NAA25: variants seen among roughly 807,000 people sequenced by gnomAD.
NAA25 encodes N-terminal acetyltransferase B complex subunit NAA25.
In NAA25, 30 loss-of-function variants were observed where a neutral mutation model predicts 132.5. The observed-to-expected ratio is 0.23, with a 90% CI of 0.17 to 0.31. The LOEUF (loss-of-function observed/expected upper bound fraction) is 0.31, where lower values mean the gene tolerates loss of function less well. NAA25 is among the 10% of genes least tolerant of loss of function. The pLI is 1.00. For missense variants in NAA25, 771 were observed against 1,150.4 expected, an observed-to-expected ratio of 0.67 and a Z score of 4.77; for synonymous variants, 359 against 401.9, an observed-to-expected ratio of 0.89 and a Z score of 1.28.
Position 112,029,561 on chromosome 12 carries a change from T to C in NAA25, c.2889A>G (p.Arg963=). ...LLEMGELLKK[R]LETTKKLKI is the part of the protein sequence containing the mutation. Reference sequence around the variant, plus strand: ...TTTTTAGTTTCTTTGTGGTCTCAAGTCTTTTTTTCAGCAGCTCCCCCATTT... The same window carrying C: ...TTTTTAGTTTCTTTGTGGTCTCAAGCCTTTTTTTCAGCAGCTCCCCCATTT... Residue 963 remains arginine (R), a synonymous_variant, in exon 24 of 24, where the codon AGA becomes AGG. Coordinates refer to ENST00000261745, the MANE Select transcript of NAA25 (RefSeq NM_024953.4). 1 of 1,614,078 alleles carries C rather than the reference T, an allele frequency of 6.2e-7. No individual in the cohort carries two copies. The highest frequency in any genetic ancestry group is 8.5e-7 in the Non-Finnish European group (1 of 1,179,980).
chr12:112,103,845 G>A (rs999120124), intron 1 of NAA25, among the ~76,000 whole-genome samples: 2 of 152,150 alleles, frequency 1.3e-5, no homozygotes, highest in Admixed American at 6.6e-5. Context: ...CTCATAAGGA[G>A]CGCCAACCTC....
rs2079273915 is a variant in NAA25 at position 112,100,294 on chromosome 12, TG to T, written c.59-7159del. On this transcript the variant is annotated intron_variant, in intron 1 of 23. Transcript: ENST00000261745. ...CTCCTGCCTCAGCCTCCTGAGCAGC[TG>T]GGACTACAGGCTCGTACCACCAGGC... Among the ~76,000 whole-genome samples, 3 of 152,258 alleles carry T rather than the reference TG, an allele frequency of 2.0e-5. No homozygotes were observed. The South Asian group carries it at 6.2e-4, about 32-fold the overall frequency.
In NAA25 at chr12:112,042,067, A is replaced by G; in HGVS notation, c.2412T>C (p.Ser804=). 1 of 1,485,764 alleles carries G rather than the reference A, an allele frequency of 6.7e-7. No individual in the cohort carries two copies. Among genetic ancestry groups the G allele is most frequent in the Non-Finnish European group, 8.9e-7 (1 of 1,120,576 alleles). 92.0% of individuals were successfully genotyped at this position (1,485,764 alleles called of 1,614,324 possible). The change falls in exon 20 of 24, where the codon AGT becomes AGC. Residue 804 remains serine (S), a synonymous_variant. Transcript: ENST00000261745. ...TMEIQERIEN[S]FKSLLDQLKD... ...TTAACTGGTCTAGTAAAGACTTAAAACTATTTTCTATTCGTTCCTGAATCT... is the reference window on the plus strand; with the variant it reads ...TTAACTGGTCTAGTAAAGACTTAAAGCTATTTTCTATTCGTTCCTGAATCT...
At chr12:112,067,994 T>C (rs1200568817) in intron 11 of NAA25, among the ~76,000 whole-genome samples, 2 of 152,172 alleles carry the variant, frequency 1.3e-5, no homozygotes, top group African/African-American at 2.4e-5. Flanking sequence ...CACCTCAGCC[T>C]CCCAAAGTGC....
rs769876315 is a variant in NAA25, at chr12:112,039,312, T to C, written c.2566A>G (p.Ser856Gly). 1.2e-6 allele frequency: 2 copies of C among 1,610,466 alleles called. No homozygotes were observed. The highest frequency in any genetic ancestry group is 3.4e-5 in the Admixed American group (2 of 59,588). ...ETISVILWVS[S>G]YCESVLRPYK... is the part of the protein sequence containing the mutation. ...GGTCGTAGGACACTCTCACAGTAACTGGATACCCAAAGGATAACAGAAATA... is the reference window on the plus strand; with the variant it reads ...GGTCGTAGGACACTCTCACAGTAACCGGATACCCAAAGGATAACAGAAATA... The change falls in exon 22 of 24, where the codon AGT (serine) becomes GGT (glycine). Residue 856 changes from serine (S) to glycine (G), a missense_variant. Coordinates refer to ENST00000261745, the MANE Select transcript of NAA25 (RefSeq NM_024953.4).
At position 112,090,115 on chromosome 12, in the gene NAA25, G is replaced by A. The variant is rs544269104; in HGVS notation, c.283+611C>T. On this transcript the variant is annotated intron_variant, in intron 3 of 23. Transcript: ENST00000261745. ...CAAAGTGCTGGGATTACAAGTTTTA[G>A]CCACTACGCCTGGCAACGCTCCATT... Among the ~76,000 whole-genome samples, 9 of 152,058 alleles carry A rather than the reference G, an allele frequency of 5.9e-5. No individual in the cohort carries two copies. In the South Asian group the frequency reaches 1.5e-3, roughly 25 times the overall value.
In NAA25 at chr12:112,039,235, G is replaced by A; in HGVS notation, c.2643C>T (p.Ile881=). 6.4e-7 allele frequency: 1 copy of A among 1,570,624 alleles called. No homozygotes were observed. The highest frequency in any genetic ancestry group is 1.4e-5 in the African/African-American group (1 of 73,162). ...KKKKKKKETS[I]IMPPVFTSFQ... ...CTTGTGTTACTGTTATTACCATGAT[G>A]ATGCTGGTTTCTTTTTTCTTCTTTT... is the stretch of plus-strand genomic sequence containing the variant. Residue 881 remains isoleucine (I), a synonymous_variant, in exon 22 of 24, where the codon ATC becomes ATT. Coordinates refer to ENST00000261745, the MANE Select transcript of NAA25 (RefSeq NM_024953.4).
rs531442884 is a variant in NAA25, at chr12:112,053,678, GA to G, written c.1629-22del. ...GATAACTAGATCAGAAGGAAAGAAG[GA>G]AAAAAAAAGACATGTTATACTTACT... On this transcript the variant is annotated intron_variant, in intron 14 of 23. Transcript: ENST00000261745. 540 of 1,318,920 alleles carry G rather than the reference GA, an allele frequency of 4.1e-4. 1 individual carries two copies. Among genetic ancestry groups the G allele is most frequent in the Non-Finnish European group, 5.3e-4 (499 of 946,748 alleles). The allele number at this position is 1,318,920 out of a possible 1,614,324, so 81.7% of individuals were successfully genotyped here.
rs548197347 is a variant in NAA25 at position 112,075,945 on chromosome 12, C to T, written c.665-156G>A. ...TCACCCAGGCTGGAGTGCAATGGCA[C>T]GATCTTGGCTCACTGCAACCTCCAC... On this transcript the variant is annotated intron_variant, in intron 7 of 23. Coordinates refer to ENST00000261745, the MANE Select transcript of NAA25 (RefSeq NM_024953.4). 5.3e-5 allele frequency among the ~76,000 whole-genome samples: 8 copies of T among 152,160 alleles called. No homozygotes were observed. In the East Asian group the frequency reaches 1.4e-3, roughly 26 times the overall value.
At chr12:112,102,860 G>C (rs959067345) in intron 1 of NAA25, among the ~76,000 whole-genome samples, 1 of 151,546 alleles carries the variant, frequency 6.6e-6, no homozygotes, top group African/African-American at 2.4e-5. Context: ...CTAATTTTTC[G>C]TATATTTTTA....
chr12:112,104,971 C>T (rs527277481), intron 1 of NAA25, among the ~76,000 whole-genome samples: 1 of 151,722 alleles, frequency 6.6e-6, no homozygotes, highest in Admixed American at 6.6e-5. Context: ...GAGCCAAGAT[C>T]GCGCCACTGC....
intron 3 of NAA25, among the ~76,000 whole-genome samples, chr12:112,088,680 G>C (rs1429534777): frequency 5.3e-5 from 8 of 151,334 alleles, no homozygotes; most frequent in African/African-American, 1.9e-4. Flanking sequence ...GATTGCAATG[G>C]TGCGATCTCG....
rs749133227 is a variant in NAA25 at position 112,043,803 on chromosome 12, G to A, written c.2072C>T (p.Ser691Phe). ...EEETLWLRIR[S>F]LTLRLISGLP... ...TCCACTTATCAGCCTCAATGTTAAG[G>A]ATCGGATTCTTAACCACAAGGTCTC... Residue 691 changes from serine (S) to phenylalanine (F), a missense_variant, in exon 18 of 24, where the codon TCC (serine) becomes TTC (phenylalanine). Transcript: ENST00000261745. 1 of 1,613,922 alleles carries A rather than the reference G, an allele frequency of 6.2e-7. No homozygotes were observed.
chr12:112,072,406 G>A (rs1412531106), intron 9 of NAA25, among the ~76,000 whole-genome samples: 10 of 151,726 alleles, frequency 6.6e-5, no homozygotes, highest in African/African-American at 2.2e-4. Context: ...TCAGGAGTTC[G>A]AGACCAGCCT....
chr12:112,028,052 T>G lies in NAA25; in HGVS notation c.*1479A>C, dbSNP rs1310150389. 1 of 152,198 alleles carries G rather than the reference T, an allele frequency of 6.6e-6. No individual in the cohort carries two copies. Among genetic ancestry groups the G allele is most frequent in the Non-Finnish European group, 1.5e-5 (1 of 68,020 alleles). The allele number at this position is 152,198 out of a possible 1,614,324, so 9.4% of individuals were successfully genotyped here. ...TAAGCACTGTATCAAATTATGAATC[T>G]AAGAAAGTCAAAATGAAGGGACAAA... On this transcript the variant is annotated 3_prime_UTR_variant, in exon 24 of 24. Transcript: ENST00000261745.
At position 112,096,060 on chromosome 12, in the gene NAA25, G is replaced by A. The variant is rs1465060; in HGVS notation, c.59-2924C>T. On this transcript the variant is annotated intron_variant, in intron 1 of 23. Coordinates refer to ENST00000261745, the MANE Select transcript of NAA25 (RefSeq NM_024953.4). ...AGTTGTTAATAATAAGGGAAACCAT[G>A]GGGATGGGGAGAGGGAGTATTTGGG... is the stretch of plus-strand genomic sequence containing the variant. 3.5e-4 allele frequency among the ~76,000 whole-genome samples: 53 copies of A among 152,286 alleles called. 1 individual carries two copies. The East Asian group carries it at 6.0e-3, about 17-fold the overall frequency.
chr12:112,050,155 A>G (rs1029968310), intron 15 of NAA25, among the ~76,000 whole-genome samples: 9 of 152,066 alleles, frequency 5.9e-5, no homozygotes, highest in Non-Finnish European at 1.5e-5. Context: ...TCTCTGGCTT[A>G]TCTTTTTTAG....
chr12:112,105,058 G>A (rs907144409), intron 1 of NAA25, among the ~76,000 whole-genome samples: 2 of 151,586 alleles, frequency 1.3e-5, no homozygotes, highest in Admixed American at 1.3e-4. Flanking sequence ...AGTGGCTCAC[G>A]CCTGTAACCC....
intron 22 of NAA25, among the ~76,000 whole-genome samples, chr12:112,036,645 T>TA (rs2078226750): frequency 1.3e-5 from 2 of 152,034 alleles, no homozygotes; most frequent in South Asian, 4.1e-4. Flanking sequence ...GGTCAGGAGT[T>TA]AGAGACCAGC....
Sources: gnomAD v4.1 joint callset for allele counts (sites outside exome capture counted in the v4.1 genomes callset) on GRCh38, gnomAD v4.1.1 for gene constraint, MANE v1.5 for transcripts, NCBI Gene and HGNC (gene_info 2026-07-23, HGNC 2026-07-21) for gene names.